LUZP2: variants seen among roughly 807,000 people sequenced by gnomAD.
LUZP2 encodes leucine zipper protein 2.
A neutral mutation model predicts 51.6 loss-of-function variants in LUZP2; 52 were observed. That is an observed-to-expected ratio of 1.01 (90% confidence interval 0.81 to 1.27). The LOEUF is 1.27. LUZP2 is among the 50% of genes most tolerant of loss of function. LUZP2 has a pLI of 0.00. For synonymous variants in LUZP2, 154 were observed against 137.3 expected (o/e 1.12, Z -0.85); for missense variants, 436 against 395.4 (o/e 1.10, Z -0.87).
intron 10 of LUZP2, among the ~76,000 whole-genome samples, chr11:25,052,270 A>G (rs1048632013): frequency 6.6e-6 from 1 of 152,336 alleles, no homozygotes; most frequent in East Asian, 1.9e-4. Context: ...TGGGACATGC[A>G]TGAACATCAG....
At chr11:24,867,636 G>A (rs560078244) in intron 5 of LUZP2, among the ~76,000 whole-genome samples, 4 of 152,188 alleles carry the variant, frequency 2.6e-5, no homozygotes, top group Admixed American at 6.5e-5. Flanking sequence ...ATGAAACAGG[G>A]TCTCACTGTT....
rs186253404 is a variant in LUZP2, at chr11:24,571,406, C to T, written c.62+74101C>T. 2.0e-5 allele frequency among the ~76,000 whole-genome samples: 3 copies of T among 152,166 alleles called. No homozygotes were observed. In the East Asian group the frequency reaches 5.8e-4, roughly 29 times the overall value. ...CACAATGTCCTAGGAAAAGGATGTA[C>T]ATATAAATATTAGTATATTTATATT... On this transcript the variant is annotated intron_variant, in intron 1 of 11. Transcript: ENST00000336930.
chr11:24,962,480 C>T (rs572521126), intron 7 of LUZP2, among the ~76,000 whole-genome samples: 2 of 152,224 alleles, frequency 1.3e-5, no homozygotes, highest in South Asian at 4.1e-4. Context: ...ATTCTTTTTT[C>T]TCTAAACTTC....
At chr11:24,931,128 T>C (rs1854434596) in intron 7 of LUZP2, among the ~76,000 whole-genome samples, 1 of 151,706 alleles carries the variant, frequency 6.6e-6, no homozygotes, top group Non-Finnish European at 1.5e-5. Flanking sequence ...TGAGAATCAC[T>C]TGAACACAGG....
chr11:24,744,796 C>A (rs1223558132), intron 4 of LUZP2, among the ~76,000 whole-genome samples: 4 of 138,666 alleles, frequency 2.9e-5, no homozygotes, highest in Non-Finnish European at 6.4e-5. Context: ...GAGGTGTGAC[C>A]TTAGAGTGTC....
intron 1 of LUZP2, among the ~76,000 whole-genome samples, chr11:24,569,851 T>TA (rs1852374418): frequency 1.4e-5 from 2 of 147,948 alleles, no homozygotes; most frequent in East Asian, 1.9e-4. Context: ...AATCACTTTT[T>TA]TAAAAAAATT....
chr11:24,724,285 A>G (rs1169515781), intron 1 of LUZP2, among the ~76,000 whole-genome samples: 1 of 152,148 alleles, frequency 6.6e-6, no homozygotes, highest in East Asian at 1.9e-4. Flanking sequence ...AAAGTCAAAG[A>G]CAAGCCAGGG....
chr11:24,525,774 G>C (rs941267572), intron 1 of LUZP2, among the ~76,000 whole-genome samples: 1 of 151,240 alleles, frequency 6.6e-6, no homozygotes, highest in Non-Finnish European at 1.5e-5. Flanking sequence ...ATGTATTTAA[G>C]AAGGGCCTTT....
In LUZP2 at chr11:24,914,464, T is replaced by A. The variant is rs1853735054; in HGVS notation, c.460-12T>A. On this transcript the variant is annotated splice_polypyrimidine_tract_variant and intron_variant, in intron 6 of 11. Transcript: ENST00000336930. The stretch of plus-strand genomic sequence containing the variant: ...ATGAGTTACACAACTTATCCATGTT[T>A]TTGCCTTACAGTCAAAAAAAATCCA... The A allele has an allele frequency of 5.0e-6, 8 of 1,593,996 alleles. No individual in the cohort carries two copies. In the South Asian group the frequency reaches 9.0e-5, roughly 18 times the overall value.
chr11:24,799,184 A>G (rs902620292), intron 5 of LUZP2, among the ~76,000 whole-genome samples: 2 of 152,232 alleles, frequency 1.3e-5, no homozygotes, highest in African/African-American at 4.8e-5. Context: ...GTGCTGATGA[A>G]TAGACATGAG....
chr11:24,926,344 T>TATATATATATAC (rs1854246612), intron 7 of LUZP2, among the ~76,000 whole-genome samples: 1 of 101,512 alleles, frequency 9.9e-6, no homozygotes, highest in Admixed American at 1.0e-4. Context: ...TATATACGTG[T>TATATATATATAC]GTATATATAT....
chr11:24,498,366 C>G (rs551199873), intron 1 of LUZP2, among the ~76,000 whole-genome samples: 1 of 152,294 alleles, frequency 6.6e-6, no homozygotes, highest in South Asian at 2.1e-4. Context: ...AGAAAACTTA[C>G]TCTGTCTTAC....
chr11:24,500,382 A>G (rs1590106752), intron 1 of LUZP2, among the ~76,000 whole-genome samples: 1 of 152,194 alleles, frequency 6.6e-6, no homozygotes, highest in East Asian at 1.9e-4. Context: ...AACTGTACAC[A>G]AATAAATGTG....
At chr11:24,884,529 C>G (rs1225597299) in intron 5 of LUZP2, among the ~76,000 whole-genome samples, 1 of 151,996 alleles carries the variant, frequency 6.6e-6, no homozygotes, top group East Asian at 1.9e-4. Flanking sequence ...GTGAACTTTT[C>G]AAAATTCATG....
intron 5 of LUZP2, among the ~76,000 whole-genome samples, chr11:24,878,584 C>A (rs1414562127): frequency 1.3e-5 from 2 of 152,094 alleles, no homozygotes; most frequent in Admixed American, 6.5e-5. Context: ...CTATTAATAT[C>A]TTTCCCTAAG....
At chr11:24,973,849 C>T (rs193144201) in intron 7 of LUZP2, among the ~76,000 whole-genome samples, 38 of 151,678 alleles carry the variant, frequency 2.5e-4, no homozygotes, top group Admixed American at 9.8e-4. Context: ...TGTTTTACTT[C>T]CTCTTATGTG....
chr11:24,990,931 A>G (rs564297657), intron 9 of LUZP2, among the ~76,000 whole-genome samples: 4 of 151,510 alleles, frequency 2.6e-5, no homozygotes, highest in African/African-American at 7.3e-5. Flanking sequence ...TTGAGTTTCT[A>G]TTGTGTTTAA....
At chr11:24,946,867 C>T (rs1332556890) in intron 7 of LUZP2, among the ~76,000 whole-genome samples, 2 of 151,934 alleles carry the variant, frequency 1.3e-5, no homozygotes, top group Admixed American at 1.3e-4. Flanking sequence ...TTGTCAAATA[C>T]ATTAGATTTC....
At chr11:25,014,844 G>A (rs1313939470) in intron 9 of LUZP2, among the ~76,000 whole-genome samples, 2 of 150,804 alleles carry the variant, frequency 1.3e-5, no homozygotes, top group Non-Finnish European at 3.0e-5. Flanking sequence ...GTCCTGAATG[G>A]TATTGCCTAG....
Sources: gnomAD v4.1 joint callset for allele counts (sites outside exome capture counted in the v4.1 genomes callset) on GRCh38, gnomAD v4.1.1 for gene constraint, MANE v1.5 for transcripts, NCBI Gene and HGNC (gene_info 2026-07-23, HGNC 2026-07-21) for gene names.